The following BORCS5 variants were observed in gnomAD, a reference collection of about 807,000 sequenced individuals.
The protein encoded by BORCS5 is BLOC-1 related complex subunit 5.
Under a neutral mutation model 22.1 loss-of-function variants are expected in BORCS5, and 17 were observed. The ratio of observed to expected loss-of-function variants is 0.77; its 90% CI spans 0.53 to 1.15. The LOEUF is 1.15. Among genes scored for constraint, BORCS5 ranks in the 50% most tolerant of loss-of-function variants. BORCS5 has a pLI of 0.00. For missense variants in BORCS5, 247 were observed against 253.2 expected (o/e 0.98, Z 0.17); for synonymous variants, 117 against 99.8 (o/e 1.17, Z -1.03).
chr12:12,375,211 C>G (rs1863622402), intron 2 of BORCS5, among the ~76,000 whole-genome samples: 1 of 152,104 alleles, frequency 6.6e-6, no homozygotes, highest in Non-Finnish European at 1.5e-5. Flanking sequence ...CAATGTTTTA[C>G]CATGTTGGCC....
intron 2 of BORCS5, among the ~76,000 whole-genome samples, chr12:12,406,641 CAAACA>C (rs1016704965): frequency 4.2e-5 from 4 of 95,536 alleles, no homozygotes; most frequent in African/African-American, 1.2e-4. Context: ...AAAAAACAAA[CAAACA>C]AAAAAAAAAC....
intron 2 of BORCS5, among the ~76,000 whole-genome samples, chr12:12,403,944 G>C (rs780369677): frequency 2.6e-4 from 39 of 152,138 alleles, no homozygotes; most frequent in Non-Finnish European, 4.0e-4. Flanking sequence ...TGGCTTTGTT[G>C]ACCTTTGGTA....
chr12:12,405,390 T>A (rs968525932), intron 2 of BORCS5, among the ~76,000 whole-genome samples: 3 of 152,230 alleles, frequency 2.0e-5, no homozygotes, highest in Admixed American at 6.5e-5. Context: ...GCTACTGTAT[T>A]ATCTCCCTCA....
Position 12,465,885 on chromosome 12 carries a change from C to T in BORCS5, c.*109C>T. The T allele has an allele frequency of 1.1e-6, 1 of 908,074 alleles. No individual in the cohort carries two copies. The highest frequency in any genetic ancestry group is 1.6e-6 in the Non-Finnish European group (1 of 613,392). The allele number at this position is 908,074 out of a possible 1,614,324, so 56.3% of individuals were successfully genotyped here. A position where few individuals can be genotyped will look rare whatever the true frequency, so the allele number is the denominator to read the frequency against. ...AGGTCTGGAGGCTGGCGGGAGGCTC[C>T]CTGAAAGTGGGTGCGAAGGAGTCCG... On this transcript the variant is annotated 3_prime_UTR_variant, in exon 4 of 4. Transcript: ENST00000314565.
chr12:12,398,269 A>G (rs16907998), intron 2 of BORCS5, among the ~76,000 whole-genome samples: 4,970 of 152,310 alleles, frequency 0.033, 117 homozygotes, highest in Middle Eastern at 0.071. Context: ...ACTTGGCAAG[A>G]AGCAACTCTT....
chr12:12,460,294 C>G (rs1349351689), intron 3 of BORCS5, among the ~76,000 whole-genome samples: 1 of 152,126 alleles, frequency 6.6e-6, no homozygotes, highest in Non-Finnish European at 1.5e-5. Context: ...TTCTTTTATT[C>G]CACTGTCCTG....
rs1227181207 is a variant in BORCS5 at position 12,414,070 on chromosome 12, C to A, written c.203-21558C>A. Reference sequence around the variant, plus strand: ...TGGCCAGGCGGGGGGCTGATCCCCCCACATCCCTCCCGGACGGGGCGGCTG... The same window carrying A: ...TGGCCAGGCGGGGGGCTGATCCCCCAACATCCCTCCCGGACGGGGCGGCTG... On this transcript the variant is annotated intron_variant, in intron 2 of 3. Coordinates refer to ENST00000314565, the MANE Select transcript of BORCS5 (RefSeq NM_058169.6). Among the ~76,000 whole-genome samples, 48 of 82,372 alleles carry A rather than the reference C, an allele frequency of 5.8e-4. 4 individuals are homozygous for A. The East Asian group carries it at 0.011, about 19-fold the overall frequency. 54.0% of individuals were successfully genotyped at this position (82,372 alleles called of 152,430 possible).
At chr12:12,465,404 T>C (rs1468774911) in intron 3 of BORCS5, 142 bp from the exon 4 acceptor site, 2 of 691,756 alleles carry the variant, frequency 2.9e-6, no homozygotes, top group Non-Finnish European at 5.0e-6. Flanking sequence ...CCTGAAGGGC[T>C]TTTTAGCCCT....
chr12:12,381,898 T>A (rs1316982843), intron 2 of BORCS5, among the ~76,000 whole-genome samples: 4 of 151,560 alleles, frequency 2.6e-5, no homozygotes, highest in African/African-American at 9.7e-5. Context: ...TGTTGAATTG[T>A]GTATTTTTCC....
chr12:12,433,800 C>T (rs1285890860), intron 2 of BORCS5, among the ~76,000 whole-genome samples: 2 of 152,158 alleles, frequency 1.3e-5, no homozygotes, highest in Non-Finnish European at 2.9e-5. Context: ...GGGTTCCAGC[C>T]CTGTATGCTG....
At chr12:12,390,977 A>T (rs746101937) in intron 2 of BORCS5, among the ~76,000 whole-genome samples, 20 of 151,992 alleles carry the variant, frequency 1.3e-4, no homozygotes, top group Non-Finnish European at 2.8e-4. Context: ...AAAAAAGTAC[A>T]CGTTAAAAGG....
At chr12:12,448,882 A>G (rs548064565) in intron 3 of BORCS5, among the ~76,000 whole-genome samples, 15 of 152,230 alleles carry the variant, frequency 9.9e-5, no homozygotes, top group South Asian at 2.1e-4. Context: ...CTCATGCCCA[A>G]TGTTCAAGCA....
At chr12:12,455,492 G>A (rs948676765) in intron 3 of BORCS5, among the ~76,000 whole-genome samples, 14 of 152,126 alleles carry the variant, frequency 9.2e-5, no homozygotes, top group Non-Finnish European at 1.8e-4. Flanking sequence ...TTTAAATGCC[G>A]TCTTGAGCTG....
chr12:12,427,251 G>A (rs1462361989), intron 2 of BORCS5, among the ~76,000 whole-genome samples: 3 of 138,052 alleles, frequency 2.2e-5, no homozygotes, highest in African/African-American at 8.5e-5. Context: ...CACAATCTCG[G>A]CTCACTGCAA....
chr12:12,410,805 A>G (rs2136085268), intron 2 of BORCS5, among the ~76,000 whole-genome samples: 1 of 152,230 alleles, frequency 6.6e-6, no homozygotes, highest in Non-Finnish European at 1.5e-5. Flanking sequence ...TGAATCTATA[A>G]ATTACCTTGG....
At chr12:12,375,006 T>G (rs916562552) in intron 2 of BORCS5, among the ~76,000 whole-genome samples, 9 of 151,920 alleles carry the variant, frequency 5.9e-5, no homozygotes, top group African/African-American at 1.9e-4. Flanking sequence ...ATACTGCTTT[T>G]CTTTTCTTTT....
chr12:12,418,836 T>C (rs1336153095), intron 2 of BORCS5, among the ~76,000 whole-genome samples: 4 of 152,188 alleles, frequency 2.6e-5, no homozygotes, highest in Admixed American at 1.3e-4. Context: ...TGTCTTTTGA[T>C]TGGAGAGTTT....
intron 2 of BORCS5, among the ~76,000 whole-genome samples, chr12:12,419,172 CT>C (rs1301662140): frequency 6.6e-6 from 1 of 152,124 alleles, no homozygotes; most frequent in Non-Finnish European, 1.5e-5. Flanking sequence ...TTAGATATTT[CT>C]CCTAATGCTA....
At chr12:12,444,895 C>T (rs1167009654) in intron 3 of BORCS5, among the ~76,000 whole-genome samples, 1 of 152,132 alleles carries the variant, frequency 6.6e-6, no homozygotes, top group African/African-American at 2.4e-5. Flanking sequence ...TCTTGGGCCA[C>T]ACATAAACAT....
Sources: allele counts gnomAD v4.1 joint callset (sites outside exome capture counted in the v4.1 genomes callset), GRCh38; gene constraint gnomAD v4.1.1; transcripts MANE v1.5; gene names NCBI Gene and HGNC (gene_info 2026-07-23, HGNC 2026-07-21).